The following ASCC3 variants were observed in gnomAD, a reference collection of about 807,000 sequenced individuals.
ASCC3 encodes the protein ASC-1 complex subunit P200.
Under a neutral mutation model 256.3 loss-of-function variants are expected in ASCC3, and 158 were observed. The ratio of observed to expected loss-of-function variants is 0.62; its 90% CI spans 0.54 to 0.70. ASCC3 has a LOEUF of 0.70. ASCC3 is among the 30% of genes least tolerant of loss of function. The pLI, the probability that ASCC3 is intolerant of heterozygous loss-of-function variation, is 0.00. For synonymous variants in ASCC3, 948 were observed against 883.4 expected (o/e 1.07, Z -1.30); for missense variants, 2,259 against 2,626.0 (o/e 0.86, Z 3.05).
In ASCC3 at chr6:100,638,457, T is replaced by C. The variant is rs151573; in HGVS notation, c.4122+144A>G. 364,240 of 656,128 alleles carry C rather than the reference T, an allele frequency of 0.56. 103,338 individuals are homozygous for C. Among genetic ancestry groups the C allele is most frequent in the East Asian group, 0.74 (27,275 of 36,728 alleles). The allele number at this position is 656,128 out of a possible 1,614,324, so 40.6% of individuals were successfully genotyped here. The stretch of plus-strand genomic sequence containing the variant: ...AAACTCATGATATCTTCACGGTATA[T>C]CTGTACTGATCTGGTCCCCTGGGAA... On this transcript the variant is annotated intron_variant, in intron 25 of 41. Transcript: ENST00000369162.
chr6:100,762,385 A>G (rs1007761003), intron 10 of ASCC3, among the ~76,000 whole-genome samples: 1 of 152,240 alleles, frequency 6.6e-6, no homozygotes, highest in Non-Finnish European at 1.5e-5. Context: ...ACACTGCTCA[A>G]TGGAACCACT....
intron 8 of ASCC3, among the ~76,000 whole-genome samples, chr6:100,784,574 T>C (rs983978501): frequency 2.0e-5 from 3 of 151,950 alleles, no homozygotes; most frequent in African/African-American, 4.8e-5. Context: ...TGAAGACATA[T>C]TTGCTTATAG....
chr6:100,818,440 A>C (rs892892463), intron 4 of ASCC3, among the ~76,000 whole-genome samples: 37 of 151,564 alleles, frequency 2.4e-4, no homozygotes, highest in African/African-American at 8.2e-4. Context: ...AGTGGCAGGC[A>C]CCTCTAATCC....
chr6:100,732,825 C>T (rs1444751035), intron 10 of ASCC3, among the ~76,000 whole-genome samples: 1 of 152,140 alleles, frequency 6.6e-6, no homozygotes, highest in Non-Finnish European at 1.5e-5. Context: ...ACAACCTATA[C>T]CTCAAGGTCC....
At chr6:100,760,319 T>C (rs1036193105) in intron 10 of ASCC3, among the ~76,000 whole-genome samples, 1 of 152,208 alleles carries the variant, frequency 6.6e-6, no homozygotes, top group Admixed American at 6.5e-5. Context: ...TTCTGAGATA[T>C]GTTCCACTGA....
intron 20 of ASCC3, 142 bp downstream of exon 20, chr6:100,650,396 A>G: frequency 1.2e-6 from 1 of 831,214 alleles, no homozygotes; most frequent in Non-Finnish European, 1.9e-6. Flanking sequence ...AATATTTACA[A>G]ATTAGCAGAA....
chr6:100,750,958 A>C (rs1396724890), intron 10 of ASCC3, among the ~76,000 whole-genome samples: 1 of 152,014 alleles, frequency 6.6e-6, no homozygotes, highest in African/African-American at 2.4e-5. Flanking sequence ...ACTTTACAGC[A>C]ATGAATCACT....
chr6:100,829,474 C>G (rs1214364591), intron 4 of ASCC3, among the ~76,000 whole-genome samples: 1 of 151,596 alleles, frequency 6.6e-6, no homozygotes, highest in Non-Finnish European at 1.5e-5. Context: ...GCTCGCCAGC[C>G]GTTCTGAGTG....
intron 3 of ASCC3, among the ~76,000 whole-genome samples, chr6:100,851,981 T>C (rs1349525538): frequency 1.3e-5 from 2 of 152,158 alleles, no homozygotes; most frequent in African/African-American, 4.8e-5. Flanking sequence ...CCGACATGCT[T>C]TCCAGCACAC....
chr6:100,619,357 T>C (rs1773830635), intron 30 of ASCC3, among the ~76,000 whole-genome samples: 1 of 152,180 alleles, frequency 6.6e-6, no homozygotes, highest in South Asian at 2.1e-4. Flanking sequence ...CTCAGTATAG[T>C]CTGGGAAACT....
chr6:100,876,179 A>G (rs968295455), intron 1 of ASCC3, among the ~76,000 whole-genome samples: 10 of 152,318 alleles, frequency 6.6e-5, no homozygotes, highest in Non-Finnish European at 1.0e-4. Flanking sequence ...GTGGAAGTGC[A>G]TATGGTTATA....
intron 10 of ASCC3, among the ~76,000 whole-genome samples, chr6:100,740,588 A>G (rs1047738421): frequency 6.6e-6 from 1 of 152,200 alleles, no homozygotes; most frequent in African/African-American, 2.4e-5. Context: ...TAGGTCTCTA[A>G]CAACCTGCTT....
intron 20 of ASCC3, among the ~76,000 whole-genome samples, chr6:100,649,766 A>G (rs1775564891): frequency 6.6e-6 from 1 of 151,658 alleles, no homozygotes; most frequent in African/African-American, 2.4e-5. Context: ...TAATTTATAA[A>G]AGGAAGTACT....
At chr6:100,597,738 C>T (rs1177275446) in intron 34 of ASCC3, among the ~76,000 whole-genome samples, 3 of 148,260 alleles carry the variant, frequency 2.0e-5, no homozygotes, top group South Asian at 2.1e-4. Context: ...TTTGGGAGGC[C>T]GAGATGGGCG....
rs374978902 is a variant in ASCC3 at position 100,872,515 on chromosome 6, C to T, written c.-41-4477G>A. ...GGGAGGCAGGACTAGACTGCAGCTCCCACTCTGACAGAGCACCGTGTGGAG... is the reference window on the plus strand; with the variant it reads ...GGGAGGCAGGACTAGACTGCAGCTCTCACTCTGACAGAGCACCGTGTGGAG... On this transcript the variant is annotated intron_variant, in intron 1 of 41. Transcript: ENST00000369162. Among the ~76,000 whole-genome samples, 3 of 151,886 alleles carry T rather than the reference C, an allele frequency of 2.0e-5. No homozygotes were observed. In the East Asian group the frequency reaches 5.8e-4, roughly 29 times the overall value.
intron 3 of ASCC3, among the ~76,000 whole-genome samples, chr6:100,855,289 G>C (rs71566352): frequency 0.01 from 1,578 of 151,992 alleles, 11 homozygotes; most frequent in Non-Finnish European, 0.015. Context: ...AATTGTTTTT[G>C]TATTTTTTGT....
Position 100,642,721 on chromosome 6 carries a change from A to G in ASCC3, c.3761T>C (p.Val1254Ala). ...AGGCTCAAAAATAGGGATTGTAAAT[A>G]CCAGTAGTTGGGCTTCTTTACTAAT... Reference protein sequence around the residue: ...QVISKEAQLLVFTIPIFEPLP... With the variant: ...QVISKEAQLLAFTIPIFEPLP... Residue 1254 changes from valine (V) to alanine (A), a missense_variant, in exon 24 of 42, where the codon GTA (valine) becomes GCA (alanine). By Grantham distance (64) the Val-to-Ala change is moderately conservative. Transcript: ENST00000369162. 1 of 1,613,722 alleles carries G rather than the reference A, an allele frequency of 6.2e-7. No homozygotes were observed. Among genetic ancestry groups the G allele is most frequent in the Non-Finnish European group, 8.5e-7 (1 of 1,179,702 alleles).
At chr6:100,542,493 C>T (rs1775509730) in intron 36 of ASCC3, among the ~76,000 whole-genome samples, 1 of 151,998 alleles carries the variant, frequency 6.6e-6, no homozygotes, top group African/African-American at 2.4e-5. Flanking sequence ...CCATCCTGGC[C>T]AACATGGTGA....
intron 10 of ASCC3, among the ~76,000 whole-genome samples, chr6:100,727,772 C>T (rs1779708305): frequency 1.3e-5 from 2 of 151,940 alleles, no homozygotes; most frequent in Non-Finnish European, 2.9e-5. Flanking sequence ...ATTAACGTGG[C>T]TTCACAAAGA....
Sources: gnomAD v4.1 joint callset for allele counts (sites outside exome capture counted in the v4.1 genomes callset) on GRCh38, gnomAD v4.1.1 for gene constraint, MANE v1.5 for transcripts, NCBI Gene and HGNC (gene_info 2026-07-23, HGNC 2026-07-21) for gene names.